The following RNF126 variants were observed in gnomAD, a reference collection of about 807,000 sequenced individuals.
RNF126 encodes E3 ubiquitin-protein ligase RNF126.
In RNF126, 20 loss-of-function variants were observed where a neutral mutation model predicts 41.9. The ratio of observed to expected loss-of-function variants is 0.48; its 90% CI spans 0.34 to 0.69. The LOEUF (loss-of-function observed/expected upper bound fraction) is 0.69, where lower values mean the gene tolerates loss of function less well. Ranked by LOEUF, RNF126 falls within the 30% of genes least tolerant of loss-of-function variation. RNF126 has a pLI of 0.01. For synonymous variants in RNF126, 239 were observed against 202.9 expected, an observed-to-expected ratio of 1.18 and a Z score of -1.51; for missense variants, 433 against 460.6, an observed-to-expected ratio of 0.94 and a Z score of 0.55.
Position 647,984 on chromosome 19 carries a change from G to T in RNF126, c.*144C>A. ...GCCAGGGGGCCGGTGGGCCGGGCCCGGGTCCTGCCCTGGAACAGGCGGGAC... is the reference window on the plus strand; with the variant it reads ...GCCAGGGGGCCGGTGGGCCGGGCCCTGGTCCTGCCCTGGAACAGGCGGGAC... On this transcript the variant is annotated 3_prime_UTR_variant, in exon 9 of 9. Coordinates refer to ENST00000292363, the MANE Select transcript of RNF126 (RefSeq NM_194460.3). The T allele has an allele frequency of 9.5e-7, 1 of 1,050,084 alleles. No homozygotes were observed. Among genetic ancestry groups the T allele is most frequent in the Non-Finnish European group, 1.3e-6 (1 of 748,682 alleles). The allele number at this position is 1,050,084 out of a possible 1,614,324, so 65.0% of individuals were successfully genotyped here. A position where few individuals can be genotyped will look rare whatever the true frequency, so the allele number is the denominator to read the frequency against.
chr19:656,170 T>C (rs2030555769), intron 1 of RNF126, among the ~76,000 whole-genome samples: 1 of 151,932 alleles, frequency 6.6e-6, no homozygotes, highest in Non-Finnish European at 1.5e-5. Context: ...CCAGGTGAAT[T>C]ATATGGTGTG....
chr19:649,040 G>A (rs552459963), intron 6 of RNF126, 65 bp from the exon 7 acceptor site: 21 of 771,322 alleles, frequency 2.7e-5, no homozygotes, highest in Middle Eastern at 4.1e-4. Context: ...TCTGAAACGC[G>A]AGGCTGCAGG....
chr19:660,773 C>T (rs898645525), intron 1 of RNF126, among the ~76,000 whole-genome samples: 6 of 152,190 alleles, frequency 3.9e-5, no homozygotes, highest in Non-Finnish European at 8.8e-5. Context: ...AGCTGGGACT[C>T]CAGGAGTGCA....
intron 1 of RNF126, among the ~76,000 whole-genome samples, chr19:654,164 A>C (rs912592886): frequency 2.0e-5 from 3 of 152,206 alleles, no homozygotes; most frequent in African/African-American, 7.2e-5. Context: ...CCTGCCACTG[A>C]AGCACAGGCT....
At chr19:655,970 T>C (rs2030546825) in intron 1 of RNF126, among the ~76,000 whole-genome samples, 1 of 151,748 alleles carries the variant, frequency 6.6e-6, no homozygotes, top group Admixed American at 6.6e-5. Flanking sequence ...ATCCCACGTC[T>C]ATGAAATGTC....
At chr19:654,316 C>CT (rs2030462825) in intron 1 of RNF126, among the ~76,000 whole-genome samples, 1 of 152,196 alleles carries the variant, frequency 6.6e-6, no homozygotes, top group Non-Finnish European at 1.5e-5. Flanking sequence ...GCACCACATG[C>CT]GTTTCAGCCC....
intron 3 of RNF126, 147 bp downstream of exon 3, chr19:652,086 C>T (rs1488357106): frequency 2.6e-6 from 2 of 759,580 alleles, no homozygotes; most frequent in Non-Finnish European, 4.0e-6. Context: ...GTGGGCCGCC[C>T]CAATCCCTGG....
At chr19:652,054 T>C in intron 3 of RNF126, 179 bp downstream of exon 3, 2 of 710,744 alleles carry the variant, frequency 2.8e-6, no homozygotes, top group South Asian at 4.3e-5. Context: ...TTCGCTTTCA[T>C]CCAAGAAACC....
chr19:663,011 A>G, intron 1 of RNF126, 36 bp downstream of exon 1: 1 of 1,214,422 alleles, frequency 8.2e-7, no homozygotes, highest in South Asian at 1.9e-5. Context: ...CCTGCGGCGC[A>G]GACCCTGCCG....
intron 1 of RNF126, among the ~76,000 whole-genome samples, chr19:657,114 T>C (rs970334204): frequency 2.6e-5 from 4 of 152,126 alleles, no homozygotes; most frequent in Admixed American, 1.3e-4. Context: ...CCACCATCTC[T>C]CCTGCTGGGT....
Position 659,598 on chromosome 19 carries a change from C to A in RNF126, c.75+3449G>T, listed in dbSNP as rs2030707903. Among the ~76,000 whole-genome samples, 2 of 152,130 alleles carry A rather than the reference C, an allele frequency of 1.3e-5. No homozygotes were observed. Among genetic ancestry groups the A allele is most frequent in the Admixed American group, 6.5e-5 (1 of 15,280 alleles). On this transcript the variant is annotated intron_variant, in intron 1 of 8. Transcript: ENST00000292363. The surrounding 1 kb of genome is among the most constrained non-coding windows in gnomAD (Gnocchi z 4.9). ...TGCCCTCAGCAGCTCTCGCCCACAC[C>A]CTACAGTCACAGCTCCAGTCAGTGC...
At chr19:649,275 T>C in intron 6 of RNF126, 1 of 296,000 alleles carries the variant, frequency 3.4e-6, no homozygotes. Flanking sequence ...GGGGCCGTGC[T>C]CCGGCTGGTG....
In RNF126 at chr19:652,213, A is replaced by G; in HGVS notation, c.198+20T>C. 1.3e-6 allele frequency: 2 copies of G among 1,513,354 alleles called. No individual in the cohort carries two copies. The highest frequency in any genetic ancestry group is 1.3e-5 in the South Asian group (1 of 76,518). The allele number at this position is 1,513,354 out of a possible 1,614,324, so 93.7% of individuals were successfully genotyped here. A position where few individuals can be genotyped will look rare whatever the true frequency, so the allele number is the denominator to read the frequency against. On this transcript the variant is annotated intron_variant, in intron 3 of 8. Coordinates refer to ENST00000292363, the MANE Select transcript of RNF126 (RefSeq NM_194460.3). Reference sequence around the variant, plus strand: ...AGCAAGGCTGACACGATCGGGAAGCACGAGGGGCGGGCGACTCACCTCCAA... The same window carrying G: ...AGCAAGGCTGACACGATCGGGAAGCGCGAGGGGCGGGCGACTCACCTCCAA...
chr19:650,322 G>T, intron 4 of RNF126, 26 bp from the exon 5 acceptor site: 1 of 1,563,538 alleles, frequency 6.4e-7, no homozygotes, highest in South Asian at 1.2e-5. Context: ...CCAGTCACGG[G>T]GTGAGGCCGC....
chr19:652,128 C>T, intron 3 of RNF126, 105 bp downstream of exon 3: 3 of 1,013,298 alleles, frequency 3.0e-6, no homozygotes, highest in South Asian at 1.8e-5. Flanking sequence ...ATTTCCTCCG[C>T]CGTGCGGGCA....
intron 1 of RNF126, among the ~76,000 whole-genome samples, chr19:653,173 C>T (rs1024197473): frequency 6.6e-6 from 1 of 150,456 alleles, no homozygotes; most frequent in African/African-American, 2.5e-5. Flanking sequence ...GCCCCTCCGA[C>T]CTGCCCCACC....
At chr19:663,007 G>A (rs1024883143) in intron 1 of RNF126, 40 bp downstream of exon 1, 12 of 1,183,992 alleles carry the variant, frequency 1.0e-5, no homozygotes, top group African/African-American at 4.9e-5. Context: ...CAGGCCTGCG[G>A]CGCAGACCCT....
chr19:661,693 G>C (rs2030808872), intron 1 of RNF126, among the ~76,000 whole-genome samples: 1 of 152,174 alleles, frequency 6.6e-6, no homozygotes, highest in Non-Finnish European at 1.5e-5. Flanking sequence ...GCCCCTTCCT[G>C]GGTCTCTACT....
Position 647,726 on chromosome 19 carries a change from G to A in RNF126, c.*402C>T. 3.6e-6 allele frequency: 1 copy of A among 274,278 alleles called. No individual in the cohort carries two copies. The highest frequency in any genetic ancestry group is 3.0e-5 in the South Asian group (1 of 32,800). The allele number at this position is 274,278 out of a possible 1,614,324, so 17.0% of individuals were successfully genotyped here. On this transcript the variant is annotated 3_prime_UTR_variant, in exon 9 of 9. Transcript: ENST00000292363. Reference sequence around the variant, plus strand: ...CCGTCCTGGCGGCACCTGCAGCACTGGGGGAGCCGCTGAACCCCGTGCTTC... The same window carrying A: ...CCGTCCTGGCGGCACCTGCAGCACTAGGGGAGCCGCTGAACCCCGTGCTTC...
Sources: allele counts gnomAD v4.1 joint callset (sites outside exome capture counted in the v4.1 genomes callset), GRCh38; gene constraint gnomAD v4.1.1; non-coding constraint Gnocchi (gnomAD v3.1); transcripts MANE v1.5; gene names NCBI Gene and HGNC (gene_info 2026-07-23, HGNC 2026-07-21).